ZFHX3: variants seen among roughly 807,000 people sequenced by gnomAD.
ZFHX3 encodes zinc finger homeobox 3.
Under a neutral mutation model 279.1 loss-of-function variants are expected in ZFHX3, and 42 were observed. The ratio of observed to expected loss-of-function variants is 0.15; its 90% confidence interval spans 0.12 to 0.19. The LOEUF (loss-of-function observed/expected upper bound fraction) is 0.19. Among genes scored for constraint, ZFHX3 ranks in the 10% least tolerant of loss-of-function variants. The probability of loss-of-function intolerance (pLI) is 1.00; values close to 1 mark genes in which losing one functional copy is unlikely to be tolerated. For missense variants in ZFHX3, 4,981 were observed against 4,754.0 expected (o/e 1.05, Z -1.40); for synonymous variants, 2,293 against 1,957.8 (o/e 1.17, Z -4.52).
chr16:73,383,554 G>A (rs953951208), intron 3 of ZFHX3, among the ~76,000 whole-genome samples: 4 of 152,210 alleles, frequency 2.6e-5, no homozygotes, highest in African/African-American at 9.6e-5. Flanking sequence ...GAAGAGAATA[G>A]CATCACCGCA....
chr16:72,838,615 C>T (rs2037261339), intron 4 of ZFHX3, among the ~76,000 whole-genome samples: 2 of 151,822 alleles, frequency 1.3e-5, no homozygotes, highest in East Asian at 2.0e-4. Flanking sequence ...TGGTGAGGGA[C>T]GGGTCCTGCC....
At chr16:73,317,059 G>C (rs1000505762) in intron 4 of ZFHX3, among the ~76,000 whole-genome samples, 1 of 152,098 alleles carries the variant, frequency 6.6e-6, no homozygotes, top group Non-Finnish European at 1.5e-5. Context: ...AGATGGGCAG[G>C]TCTAGGGTGA....
chr16:72,883,570 A>G (rs543097530), intron 4 of ZFHX3, among the ~76,000 whole-genome samples: 23 of 152,206 alleles, frequency 1.5e-4, no homozygotes, highest in Non-Finnish European at 3.4e-4. Context: ...GAATCAACCT[A>G]TGTTATCCTG....
At chr16:72,928,194 AGGG>A (rs1302108425) in intron 3 of ZFHX3, among the ~76,000 whole-genome samples, 1 of 4,506 alleles carries the variant, frequency 2.2e-4, no homozygotes, top group Non-Finnish European at 4.1e-4. Flanking sequence ...AGGGAGGGGG[AGGG>A]GAGCGAGGGG....
At chr16:72,915,920 G>A (rs923906166) in intron 3 of ZFHX3, among the ~76,000 whole-genome samples, 4 of 152,200 alleles carry the variant, frequency 2.6e-5, no homozygotes, top group Admixed American at 1.3e-4. Context: ...CACTCTAGAC[G>A]TAACTACTTA....
chr16:73,290,175 T>C (rs6564372), intron 4 of ZFHX3, among the ~76,000 whole-genome samples: 70,813 of 151,432 alleles, frequency 0.47, 16,901 homozygotes, highest in East Asian at 0.66. Context: ...CAGGAAGGAG[T>C]CCAAATAGAC....
At chr16:73,415,815 G>A (rs2017560931) in intron 3 of ZFHX3, among the ~76,000 whole-genome samples, 1 of 152,108 alleles carries the variant, frequency 6.6e-6, no homozygotes, top group Non-Finnish European at 1.5e-5. Flanking sequence ...GCTTAGAGAT[G>A]GCATTTTCAG....
At chr16:72,836,123 TTCTC>T (rs2037186709) in intron 4 of ZFHX3, among the ~76,000 whole-genome samples, 1 of 152,220 alleles carries the variant, frequency 6.6e-6, no homozygotes, top group Non-Finnish European at 1.5e-5. Context: ...TACTCCCGTC[TTCTC>T]TCTCTAAGCC....
chr16:73,004,899 C>T (rs1319204060), intron 1 of ZFHX3, among the ~76,000 whole-genome samples: 1 of 152,214 alleles, frequency 6.6e-6, no homozygotes, highest in Non-Finnish European at 1.5e-5. Context: ...ACCTCTCCAA[C>T]TCACCTGGAA....
chr16:73,436,699 C>T (rs1335840760), intron 3 of ZFHX3, among the ~76,000 whole-genome samples: 1 of 151,904 alleles, frequency 6.6e-6, no homozygotes, highest in Non-Finnish European at 1.5e-5. Context: ...CAGGACCTCC[C>T]CTTGCTTTGG....
At chr16:73,152,833 A>G (rs1966976892) in intron 5 of ZFHX3, among the ~76,000 whole-genome samples, 2 of 142,346 alleles carry the variant, frequency 1.4e-5, no homozygotes, top group Admixed American at 7.0e-5. Context: ...GGGGGAAGGG[A>G]GGGGAGTAAT....
upstream of ZFHX3, among the ~76,000 whole-genome samples, chr16:73,050,584 G>A (rs1965431102): frequency 6.6e-6 from 1 of 152,158 alleles, no homozygotes; most frequent in South Asian, 2.1e-4. Flanking sequence ...AGAGGGAATT[G>A]GCAACTTCTG....
intron 4 of ZFHX3, among the ~76,000 whole-genome samples, chr16:72,849,462 C>T (rs1165073154): frequency 6.6e-6 from 1 of 152,018 alleles, no homozygotes; most frequent in Non-Finnish European, 1.5e-5. Flanking sequence ...GATGAGGCCA[C>T]GATCCTGCCA....
rs184746665 is a variant in ZFHX3 at position 73,532,079 on chromosome 16, C to A, written c.-1546-75821G>T. The stretch of plus-strand genomic sequence containing the variant: ...TTCCAGCCTGGGCAACAGAGTGAGA[C>A]CCTGTCTCTAAAAAAGATTAAAAAA... On this transcript the variant is annotated intron_variant, in intron 2 of 17. Coordinates refer to the ZFHX3 transcript ENST00000641206. 7.5e-3 allele frequency among the ~76,000 whole-genome samples: 1,147 copies of A among 152,000 alleles called. 25 individuals are homozygous for A. Among genetic ancestry groups the A allele is most frequent in the African/African-American group, 0.027 (1,098 of 41,402 alleles).
intron 2 of ZFHX3, among the ~76,000 whole-genome samples, chr16:73,506,586 C>T (rs961730991): frequency 6.6e-6 from 1 of 152,216 alleles, no homozygotes; most frequent in African/African-American, 2.4e-5. Flanking sequence ...CTGGCTCTGA[C>T]ACCCCCTGGC....
At chr16:73,356,177 C>G (rs561130505) in intron 3 of ZFHX3, among the ~76,000 whole-genome samples, 6 of 152,186 alleles carry the variant, frequency 3.9e-5, no homozygotes, top group African/African-American at 1.4e-4. Flanking sequence ...CACCCCCCGC[C>G]GACCATTGCC....
chr16:73,342,344 C>T (rs1034885046), intron 3 of ZFHX3, among the ~76,000 whole-genome samples: 2 of 152,168 alleles, frequency 1.3e-5, no homozygotes, highest in East Asian at 1.9e-4. Context: ...CTGAAGACAC[C>T]TGTCCAACAA....
intron 1 of ZFHX3, among the ~76,000 whole-genome samples, chr16:73,795,024 A>G (rs537271088): frequency 2.0e-5 from 3 of 152,330 alleles, no homozygotes; most frequent in East Asian, 3.9e-4. Context: ...CAACAAAACA[A>G]TCAGCTCTTG....
At chr16:73,349,856 T>C (rs1219060595) in intron 3 of ZFHX3, among the ~76,000 whole-genome samples, 1 of 134,542 alleles carries the variant, frequency 7.4e-6, no homozygotes, top group Non-Finnish European at 1.5e-5. Context: ...TCCCTCCCTC[T>C]CTTCCTTTCT....
Sources: gnomAD v4.1 joint callset for allele counts (sites outside exome capture counted in the v4.1 genomes callset) on GRCh38, gnomAD v4.1.1 for gene constraint, MANE v1.5 for transcripts, NCBI Gene and HGNC (gene_info 2026-07-23, HGNC 2026-07-21) for gene names.